The following TBC1D5 variants were observed in gnomAD, a reference collection of about 807,000 sequenced individuals.
TBC1D5 encodes the protein TBC1 domain family, member 5.
In TBC1D5, 75 loss-of-function variants were observed where a neutral mutation model predicts 100.3. The observed-to-expected ratio is 0.75, with a 90% confidence interval of 0.62 to 0.91. TBC1D5 has a LOEUF of 0.91. Ranked by LOEUF, TBC1D5 falls within the 40% of genes least tolerant of loss-of-function variation. The pLI is 0.00. For missense variants in TBC1D5, 910 were observed against 942.4 expected, an observed-to-expected ratio of 0.97 and a Z score of 0.45; for synonymous variants, 323 against 325.6, an observed-to-expected ratio of 0.99 and a Z score of 0.09.
chr3:17,502,292 G>A (rs1363179868), intron 3 of TBC1D5, among the ~76,000 whole-genome samples: 4 of 149,750 alleles, frequency 2.7e-5, no homozygotes. Context: ...AAAGCACTGT[G>A]CTTATCACAA....
chr3:17,341,019 A>G (rs886821278), intron 13 of TBC1D5, among the ~76,000 whole-genome samples: 1 of 152,156 alleles, frequency 6.6e-6, no homozygotes, highest in Non-Finnish European at 1.5e-5. Context: ...AATTTTGCAT[A>G]ATGACTCTAC....
chr3:17,564,657 T>C (rs2096582588), intron 2 of TBC1D5, among the ~76,000 whole-genome samples: 1 of 152,182 alleles, frequency 6.6e-6, no homozygotes, highest in Non-Finnish European at 1.5e-5. Flanking sequence ...ACCATGCTAG[T>C]TGATGCCCTA....
chr3:17,733,641 A>T (rs1028030955), intron 1 of TBC1D5, among the ~76,000 whole-genome samples: 75 of 152,310 alleles, frequency 4.9e-4, no homozygotes, highest in African/African-American at 1.7e-3. Flanking sequence ...CAGATATTTT[A>T]AAACCCTTTT....
At chr3:17,489,874 G>GT (rs1463024435) in intron 3 of TBC1D5, among the ~76,000 whole-genome samples, 1 of 152,188 alleles carries the variant, frequency 6.6e-6, no homozygotes, top group Admixed American at 6.5e-5. Flanking sequence ...TACATATACA[G>GT]TAACGGGATA....
At chr3:17,577,120 G>A (rs1030820159) in intron 2 of TBC1D5, among the ~76,000 whole-genome samples, 1 of 151,892 alleles carries the variant, frequency 6.6e-6, no homozygotes, top group African/African-American at 2.4e-5. Context: ...TGAAAGTGGG[G>A]GTGGGGAGGG....
At chr3:17,167,724 A>G (rs780077791) in intron 20 of TBC1D5, 25 bp downstream of exon 21, 2 of 1,607,754 alleles carry the variant, frequency 1.2e-6, no homozygotes, top group South Asian at 1.1e-5. Context: ...GACACAAAGA[A>G]ATAGTGTCAG....
intron 2 of TBC1D5, among the ~76,000 whole-genome samples, chr3:17,590,198 T>C (rs1355739125): frequency 6.6e-6 from 1 of 152,220 alleles, no homozygotes; most frequent in Admixed American, 6.5e-5. Context: ...CCAGTTTATA[T>C]AAACAGAAAT....
intron 2 of TBC1D5, among the ~76,000 whole-genome samples, chr3:17,582,653 G>A (rs1438384755): frequency 1.4e-5 from 2 of 146,020 alleles, no homozygotes; most frequent in Admixed American, 6.8e-5. Context: ...TATGATTTAG[G>A]AGCCCAAAAG....
At chr3:17,297,310 C>T (rs1247820322) in intron 14 of TBC1D5, among the ~76,000 whole-genome samples, 1 of 152,228 alleles carries the variant, frequency 6.6e-6, no homozygotes, top group South Asian at 2.1e-4. Context: ...GGCGTGGTGG[C>T]TCACGCCTGT....
intron 2 of TBC1D5, among the ~76,000 whole-genome samples, chr3:17,591,965 G>C (rs1471246316): frequency 6.6e-6 from 1 of 152,230 alleles, no homozygotes; most frequent in Admixed American, 6.5e-5. Flanking sequence ...GAGAATGACA[G>C]TAGATTATCG....
At chr3:17,624,794 T>C (rs1481182947) in intron 1 of TBC1D5, among the ~76,000 whole-genome samples, 1 of 152,156 alleles carries the variant, frequency 6.6e-6, no homozygotes, top group East Asian at 1.9e-4. Flanking sequence ...TGAAAGACCC[T>C]GTTCAAAATG....
At chr3:17,159,708 C>G (rs9821047) in exon 22 of TBC1D5, 1 of 152,378 alleles carries the variant, frequency 6.6e-6, no homozygotes, top group Non-Finnish European at 1.5e-5. Flanking sequence ...CTAATCTGTG[C>G]TCAGCCCAGG....
intron 1 of TBC1D5, among the ~76,000 whole-genome samples, chr3:17,727,041 T>C (rs367630775): frequency 1.3e-5 from 2 of 152,166 alleles, no homozygotes; most frequent in East Asian, 3.8e-4. Flanking sequence ...ATAACGGCTG[T>C]GGAATTTAGT....
exon 18 of TBC1D5, chr3:17,214,324 C>A (rs1175712491): frequency 1.2e-6 from 2 of 1,613,186 alleles, no homozygotes; most frequent in East Asian, 2.2e-5. Context: ...TTCCTCCAGG[C>A]AAACTCTCAA....
chr3:17,487,557 G>C (rs538211842), intron 3 of TBC1D5, among the ~76,000 whole-genome samples: 1 of 152,226 alleles, frequency 6.6e-6, no homozygotes, highest in South Asian at 2.1e-4. Context: ...GCCAATTCTA[G>C]GAGTGAGACT....
chr3:17,503,256 T>C lies in TBC1D5; in HGVS notation c.97+5218A>G, dbSNP rs77520337. On this transcript the variant is annotated intron_variant, in intron 3 of 21. Transcript: ENST00000253692. ...TCATAGCATAAACTCTTTACAATCATCTGGCTAACAGCTACTCATCCTTCA... is the reference window on the plus strand; with the variant it reads ...TCATAGCATAAACTCTTTACAATCACCTGGCTAACAGCTACTCATCCTTCA... Among the ~76,000 whole-genome samples, 1,469 of 149,728 alleles carry C rather than the reference T, an allele frequency of 9.8e-3. 117 individuals carry two copies. In the East Asian group the frequency reaches 0.17, roughly 17 times the overall value.
chr3:17,374,105 C>A (rs906853258), intron 12 of TBC1D5, among the ~76,000 whole-genome samples: 4 of 152,152 alleles, frequency 2.6e-5, no homozygotes, highest in Admixed American at 2.0e-4. Flanking sequence ...TAGCAACGCA[C>A]TGGTAAAAGC....
At chr3:17,730,946 T>G (rs2076502896) in intron 1 of TBC1D5, among the ~76,000 whole-genome samples, 1 of 152,118 alleles carries the variant, frequency 6.6e-6, no homozygotes, top group Admixed American at 6.6e-5. Flanking sequence ...TTCATAATAT[T>G]TATGTATTAT....
chr3:17,267,472 T>C (rs1188246341), intron 15 of TBC1D5, among the ~76,000 whole-genome samples: 2 of 152,046 alleles, frequency 1.3e-5, no homozygotes, highest in Non-Finnish European at 2.9e-5. Flanking sequence ...TCCCAATCTT[T>C]GTTAAAGAAA....
Sources: allele counts gnomAD v4.1 joint callset (sites outside exome capture counted in the v4.1 genomes callset), GRCh38; gene constraint gnomAD v4.1.1; transcripts MANE v1.5; gene names NCBI Gene and HGNC (gene_info 2026-07-23, HGNC 2026-07-21).